The following PDE5A variants were observed in gnomAD, a reference collection of about 807,000 sequenced individuals.
PDE5A encodes phosphodiesterase 5A.
In PDE5A, 67 loss-of-function variants were observed where a neutral mutation model predicts 110.2. The observed-to-expected ratio is 0.61, with a 90% CI of 0.50 to 0.75. The LOEUF (loss-of-function observed/expected upper bound fraction) is 0.75, where lower values mean the gene tolerates loss of function less well. Ranked by LOEUF, PDE5A falls within the 30% of genes least tolerant of loss-of-function variation. The pLI, the probability that PDE5A is intolerant of heterozygous loss-of-function variation, is 0.00. For synonymous variants in PDE5A, 328 were observed against 351.2 expected (o/e 0.93, Z 0.74); for missense variants, 862 against 1,045.1 (o/e 0.82, Z 2.42).
intron 1 of PDE5A, among the ~76,000 whole-genome samples, chr4:119,621,061 C>T (rs1199779951): frequency 1.3e-5 from 2 of 152,190 alleles, no homozygotes; most frequent in South Asian, 2.1e-4. Context: ...TCATTTTGTT[C>T]GTAATTAACT....
At chr4:119,512,441 T>G (rs899898152) in intron 14 of PDE5A, 2 of 152,172 alleles carry the variant, frequency 1.3e-5, no homozygotes, top group African/African-American at 4.8e-5. Context: ...TGAAAAAGGA[T>G]GAACTTACTG....
In PDE5A at chr4:119,576,544, C is replaced by T. The variant is rs191641043; in HGVS notation, c.832-9400G>A. 7.7e-3 allele frequency among the ~76,000 whole-genome samples: 1,179 copies of T among 152,168 alleles called. 20 individuals carry two copies. Among genetic ancestry groups the T allele is most frequent in the African/African-American group, 0.027 (1,109 of 41,494 alleles). On this transcript the variant is annotated intron_variant, in intron 3 of 20. Coordinates refer to ENST00000354960, the MANE Select transcript of PDE5A (RefSeq NM_001083.4). ...CAGGATTAAGAAACTCACTCAAAAC[C>T]GCTCAACTACATGGAAACTGAACAA...
At chr4:119,582,840 G>T (rs1367487077) in intron 3 of PDE5A, among the ~76,000 whole-genome samples, 1 of 152,188 alleles carries the variant, frequency 6.6e-6, no homozygotes, top group Non-Finnish European at 1.5e-5. Context: ...GGTCTCAATA[G>T]TAGGCTTAAA....
At position 119,562,879 on chromosome 4, in the gene PDE5A, A is replaced by C. The variant is rs202163126; in HGVS notation, c.1085T>G (p.Met362Arg). The C allele has an allele frequency of 6.3e-7, 1 of 1,597,576 alleles. No homozygotes were observed. Among genetic ancestry groups the C allele is most frequent in the East Asian group, 2.3e-5 (1 of 43,824 alleles). Residue 362 changes from methionine to arginine, a missense_variant, in exon 6 of 21, where the codon ATG becomes AGG. Met to Arg is a moderately conservative substitution (Grantham distance 91). Transcript: ENST00000354960. ...GAAAATGGTGCATTTCTGCACTTGC[A>C]TGAAAGAGATAATAGTGGCAGCTAT... The part of the protein sequence containing the change: ...KKIAATIISF[M>R]QVQKCTIFIV...
rs138391597 is a variant in PDE5A at position 119,628,667 on chromosome 4, T to C, written c.5A>G (p.Glu2Gly). The C allele has an allele frequency of 6.2e-7, 1 of 1,612,426 alleles. No individual in the cohort carries two copies. The highest frequency in any genetic ancestry group is 1.3e-5 in the African/African-American group (1 of 74,938). The change falls in exon 1 of 21, where the codon GAG becomes GGG. Residue 2 changes from glutamate to glycine, a missense_variant. By Grantham distance (98) the Glu-to-Gly change is moderately conservative (BLOSUM62 -2). Transcript: ENST00000354960. Reference protein sequence around the residue: MERAGPSFGQQR... With the variant: MGRAGPSFGQQR... ...CTGCCCGAAGCTGGGGCCGGCCCGCTCCATGGTTGGCACCGCGCGCCTCGG... is the reference window on the plus strand; with the variant it reads ...CTGCCCGAAGCTGGGGCCGGCCCGCCCCATGGTTGGCACCGCGCGCCTCGG...
chr4:119,550,499 T>G (rs1185813157), intron 9 of PDE5A: 1 of 152,224 alleles, frequency 6.6e-6, no homozygotes, highest in African/African-American at 2.4e-5. Context: ...CACAATGCTG[T>G]GAGTCCGACC....
chr4:119,591,635 G>A (rs2110531478), intron 3 of PDE5A, among the ~76,000 whole-genome samples: 1 of 152,292 alleles, frequency 6.6e-6, no homozygotes, highest in East Asian at 1.9e-4. Flanking sequence ...GTCAAATATT[G>A]CACCTTGTTA....
chr4:119,494,908 T>A lies in PDE5A; in HGVS notation c.*3693A>T, dbSNP rs761802842. 7 of 152,606 alleles carry A rather than the reference T, an allele frequency of 4.6e-5. No individual in the cohort carries two copies. The highest frequency in any genetic ancestry group is 1.0e-4 in the Non-Finnish European group (7 of 68,030). 9.5% of individuals were successfully genotyped at this position (152,606 alleles called of 1,614,324 possible). On this transcript the variant is annotated 3_prime_UTR_variant, in exon 21 of 21. Transcript: ENST00000354960. ...TGAGCTTTAATACTTTCTTCTTCACTCTCTGTAGTAGAGCAGAAGGGGTCC... is the reference window on the plus strand; with the variant it reads ...TGAGCTTTAATACTTTCTTCTTCACACTCTGTAGTAGAGCAGAAGGGGTCC...
chr4:119,508,884 A>T (rs1327234175), intron 15 of PDE5A, among the ~76,000 whole-genome samples: 1 of 152,050 alleles, frequency 6.6e-6, no homozygotes, highest in Non-Finnish European at 1.5e-5. Context: ...TGAGCCAGCC[A>T]TATAGATAAT....
At position 119,495,271 on chromosome 4, in the gene PDE5A, C is replaced by G. The variant is rs202221915; in HGVS notation, c.*3330G>C. 1.3e-5 allele frequency: 2 copies of G among 152,260 alleles called. No individual in the cohort carries two copies. The highest frequency in any genetic ancestry group is 4.8e-5 in the African/African-American group (2 of 41,556). The allele number at this position is 152,260 out of a possible 1,614,324, so 9.4% of individuals were successfully genotyped here. On this transcript the variant is annotated 3_prime_UTR_variant, in exon 21 of 21. Transcript: ENST00000354960. ...CCGTGAGCTCCTTGGGGTCACTGCT[C>G]TGTCTCCACAGCAGAGCACGGTACC...
chr4:119,621,601 T>C (rs996492543), intron 1 of PDE5A, among the ~76,000 whole-genome samples: 3 of 150,880 alleles, frequency 2.0e-5, no homozygotes, highest in South Asian at 2.1e-4. Flanking sequence ...GTAAACAGAG[T>C]AGATAGATGA....
At chr4:119,537,011 A>G (rs1052405622) in intron 11 of PDE5A, among the ~76,000 whole-genome samples, 7 of 152,174 alleles carry the variant, frequency 4.6e-5, no homozygotes, top group African/African-American at 1.7e-4. Flanking sequence ...TGTAGCTATT[A>G]TTATTATCTG....
intron 14 of PDE5A, among the ~76,000 whole-genome samples, chr4:119,516,167 A>G (rs1263162818): frequency 6.6e-6 from 1 of 152,182 alleles, no homozygotes; most frequent in Non-Finnish European, 1.5e-5. Flanking sequence ...TCCATTAACA[A>G]TGGAGATGTA....
At chr4:119,527,767 C>T (rs146537293) in intron 11 of PDE5A, among the ~76,000 whole-genome samples, 377 of 152,066 alleles carry the variant, frequency 2.5e-3, no homozygotes, top group African/African-American at 3.9e-3. Flanking sequence ...TATTGCATTA[C>T]GGTTTTGAAG....
At position 119,567,077 on chromosome 4, in the gene PDE5A, T is replaced by C. The variant is rs765735728; in HGVS notation, c.899A>G (p.Glu300Gly). The C allele has an allele frequency of 1.2e-6, 2 of 1,611,654 alleles. No individual in the cohort carries two copies. Among genetic ancestry groups the C allele is most frequent in the South Asian group, 2.2e-5 (2 of 90,992 alleles). Residue 300 changes from glutamate to glycine, a missense_variant, in exon 4 of 21, where the codon GAA (glutamate) becomes GGA (glycine). Glu to Gly is a moderately conservative substitution (Grantham distance 98). Coordinates refer to ENST00000354960, the MANE Select transcript of PDE5A (RefSeq NM_001083.4). ...GNGGTFTEKD[E>G]KDFAAYLAFC... ...GTCTGACACAAGTTTTGGTACCTTT[T>C]CATCTTTTTCAGTAAATGTCCCACC...
At chr4:119,557,766 C>G (rs1272433585) in intron 7 of PDE5A, among the ~76,000 whole-genome samples, 1 of 152,060 alleles carries the variant, frequency 6.6e-6, no homozygotes. Flanking sequence ...GCTAGTAAGC[C>G]CAGTATGTGG....
At chr4:119,574,659 C>T (rs1473153785) in intron 3 of PDE5A, among the ~76,000 whole-genome samples, 1 of 151,930 alleles carries the variant, frequency 6.6e-6, no homozygotes, top group Admixed American at 6.6e-5. Flanking sequence ...AAAGACAATC[C>T]AAAGTGGCTG....
At chr4:119,510,252 G>C (rs947632998) in intron 15 of PDE5A, among the ~76,000 whole-genome samples, 1 of 152,042 alleles carries the variant, frequency 6.6e-6, no homozygotes, top group Admixed American at 6.6e-5. Context: ...TTATAAAATA[G>C]TGACCAGAAA....
At chr4:119,546,613 T>C (rs572655134) in intron 9 of PDE5A, among the ~76,000 whole-genome samples, 1 of 152,156 alleles carries the variant, frequency 6.6e-6, no homozygotes, top group Non-Finnish European at 1.5e-5. Flanking sequence ...GTATTACCAA[T>C]GTTTGTAAAT....
Sources: gnomAD v4.1 joint callset for allele counts (sites outside exome capture counted in the v4.1 genomes callset) on GRCh38, gnomAD v4.1.1 for gene constraint, MANE v1.5 for transcripts, NCBI Gene and HGNC (gene_info 2026-07-23, HGNC 2026-07-21) for gene names.